The following POLN variants were observed in gnomAD, a reference collection of about 807,000 sequenced individuals.
POLN encodes the protein DNA polymerase nu.
In POLN, 108 loss-of-function variants were observed where a neutral mutation model predicts 113.5. That is an observed-to-expected ratio of 0.95 (90% CI 0.81 to 1.12). The LOEUF (loss-of-function observed/expected upper bound fraction) is 1.12, where lower values mean the gene tolerates loss of function less well. POLN is among the 50% of genes most tolerant of loss of function. The probability of loss-of-function intolerance (pLI) is 0.00; values close to 1 mark genes in which losing one functional copy is unlikely to be tolerated. For missense variants in POLN, 1,097 were observed against 1,077.1 expected (o/e 1.02, Z -0.26); for synonymous variants, 386 against 391.5 (o/e 0.99, Z 0.17).
chr4:2,140,599 T>G, intron 16 of POLN, among the ~76,000 whole-genome samples: 1 of 152,010 alleles, frequency 6.6e-6, no homozygotes, highest in East Asian at 1.9e-4. Flanking sequence ...ATACAAAAAT[T>G]AGCCAGGTAT....
chr4:2,225,273 T>C (rs977496514), intron 3 of POLN, among the ~76,000 whole-genome samples: 1 of 152,130 alleles, frequency 6.6e-6, no homozygotes, highest in African/African-American at 2.4e-5. Context: ...TGTATGCATG[T>C]ATATAAATAT....
chr4:2,072,947 C>G, intron 25 of POLN, 21 bp downstream of exon 25: 3 of 1,611,828 alleles, frequency 1.9e-6, no homozygotes, highest in Non-Finnish European at 2.5e-6. Context: ...GAAGACCGGG[C>G]AGGCTTAAGT....
At position 2,240,910 on chromosome 4, in the gene POLN, T is replaced by G. The variant is rs1464314713; in HGVS notation, c.-13+610A>C. 3.8e-6 allele frequency: 6 copies of G among 1,598,376 alleles called. No homozygotes were observed. In the South Asian group the frequency reaches 6.7e-5, roughly 18 times the overall value. ...TTATCAGCTTTGGGATAACCAATTT[T>G]TTTTAATGTTTCCACAAACTCATTT... On this transcript the variant is annotated intron_variant, in intron 2 of 25. Transcript: ENST00000511885.
intron 16 of POLN, among the ~76,000 whole-genome samples, chr4:2,144,140 G>A (rs1021001657): frequency 7.3e-6 from 1 of 136,152 alleles, no homozygotes; most frequent in Non-Finnish European, 1.6e-5. Flanking sequence ...TTAAAAATTT[G>A]TTCTTTTTTT....
At chr4:2,122,691 A>C (rs967321395) in intron 19 of POLN, among the ~76,000 whole-genome samples, 15 of 152,214 alleles carry the variant, frequency 9.9e-5, no homozygotes, top group Admixed American at 8.5e-4. Flanking sequence ...GGAAAAGTTA[A>C]ATATGGGTAC....
At chr4:2,198,099 A>G (rs1283665822) in intron 6 of POLN, among the ~76,000 whole-genome samples, 1 of 152,234 alleles carries the variant, frequency 6.6e-6, no homozygotes, top group Non-Finnish European at 1.5e-5. Flanking sequence ...GGAGCTTTGA[A>G]ACTAGTCCCA....
chr4:2,133,605 C>T (rs1561024066), intron 16 of POLN, among the ~76,000 whole-genome samples: 1 of 152,150 alleles, frequency 6.6e-6, no homozygotes, highest in Admixed American at 6.5e-5. Context: ...AGTATATGTA[C>T]ATAGTGGTAG....
In POLN at chr4:2,241,901, G is replaced by A. The variant is rs1392504535; in HGVS notation, c.-283-111C>T. On this transcript the variant is annotated intron_variant, in intron 1 of 25. Transcript: ENST00000511885. ...GCCCCAGCTCCTCGCCCAGCGGACCGGGCCCTGATCCCCGGGCAGCTGCTG... is the reference window on the plus strand; with the variant it reads ...GCCCCAGCTCCTCGCCCAGCGGACCAGGCCCTGATCCCCGGGCAGCTGCTG... The A allele has an allele frequency of 1.9e-5, 19 of 985,502 alleles. 2 individuals carry two copies. The South Asian group carries it at 6.1e-4, about 32-fold the overall frequency. The allele number at this position is 985,502 out of a possible 1,614,324, so 61.0% of individuals were successfully genotyped here.
intron 8 of POLN, among the ~76,000 whole-genome samples, chr4:2,177,643 C>A (rs1733028934): frequency 6.6e-6 from 1 of 152,242 alleles, no homozygotes; most frequent in African/African-American, 2.4e-5. Context: ...GTACGTTAAC[C>A]TTTCTATACC....
chr4:2,123,759 C>T (rs1731508953), intron 19 of POLN, among the ~76,000 whole-genome samples: 1 of 151,362 alleles, frequency 6.6e-6, no homozygotes, highest in Admixed American at 6.6e-5. Context: ...GAGCCAAGAT[C>T]GTGCCTCTGC....
chr4:2,126,578 G>A lies in POLN; in HGVS notation c.1982+1535C>T, dbSNP rs549367120. Among the ~76,000 whole-genome samples, 10 of 152,140 alleles carry A rather than the reference G, an allele frequency of 6.6e-5. No individual in the cohort carries two copies. The highest frequency in any genetic ancestry group is 1.3e-4 in the Admixed American group (2 of 15,298). On this transcript the variant is annotated intron_variant, in intron 19 of 25. Coordinates refer to ENST00000511885, the MANE Select transcript of POLN (RefSeq NM_181808.4). This position sits in a 1 kb window ranked among gnomAD's most constrained non-coding sequence, Gnocchi z 4.6. ...AGAGGAGCAGAGACCAGAGAGGAGC[G>A]GAGACCAGAGAGAAGCGGAGACCAG...
chr4:2,229,110 T>C lies in POLN; in HGVS notation c.122A>G (p.Lys41Arg). The change falls in exon 3 of 26, where the codon AAG becomes AGG. Residue 41 changes from lysine to arginine, a missense_variant. Physicochemically the swap from Lys to Arg is conservative, Grantham distance 26. Transcript: ENST00000511885. ...TAAAAATTACTTACTCTCTGTACTC[T>C]TTCCCCAAGTCTTAGAATCCACTAA... Reference protein sequence around the residue: ...GDLVDSKTWGKSTETMEVINK... With the variant: ...GDLVDSKTWGRSTETMEVINK... 6.2e-7 allele frequency: 1 copy of C among 1,602,766 alleles called. No homozygotes were observed. Among genetic ancestry groups the C allele is most frequent in the Non-Finnish European group, 8.5e-7 (1 of 1,173,470 alleles).
At chr4:2,100,247 A>G (rs1045381887) in intron 19 of POLN, among the ~76,000 whole-genome samples, 1 of 152,170 alleles carries the variant, frequency 6.6e-6, no homozygotes, top group Non-Finnish European at 1.5e-5. Flanking sequence ...TGTTATTTTG[A>G]TAACTGGTAT....
intron 20 of POLN, among the ~76,000 whole-genome samples, chr4:2,095,295 TTCA>T (rs1458639900): frequency 1.3e-5 from 2 of 152,102 alleles, no homozygotes; most frequent in African/African-American, 4.8e-5. Context: ...ACCTCTGGCC[TTCA>T]GTCCTTCCTG....
At chr4:2,078,010 C>T (rs557936299) in intron 23 of POLN, among the ~76,000 whole-genome samples, 1 of 152,220 alleles carries the variant, frequency 6.6e-6, no homozygotes, top group Non-Finnish European at 1.5e-5. Flanking sequence ...GAGATCACTG[C>T]ACCAGTAGGA....
chr4:2,200,345 T>G (rs2108760262), intron 5 of POLN, among the ~76,000 whole-genome samples: 1 of 152,324 alleles, frequency 6.6e-6, no homozygotes, highest in South Asian at 2.1e-4. Context: ...CAGCTCCCAC[T>G]GGGACAGACA....
At position 2,183,904 on chromosome 4, in the gene POLN, C is replaced by CA. The variant is rs201310490; in HGVS notation, c.1022-4440dup. On this transcript the variant is annotated intron_variant, in intron 7 of 25. Coordinates refer to ENST00000511885, the MANE Select transcript of POLN (RefSeq NM_181808.4). ...TCTTTTTTTCTTTTTTTTTTTGAGA[C>CA]AGAGTCTTGCGAGATCTCTGCTCAC... Among the ~76,000 whole-genome samples the CA allele has an allele frequency of 8.5e-3, 1,246 of 146,252 alleles. 24 individuals carry two copies. Among genetic ancestry groups the CA allele is most frequent in the African/African-American group, 0.031 (1,192 of 38,430 alleles).
At position 2,126,642 on chromosome 4, in the gene POLN, G is replaced by C. The variant is rs1207008257; in HGVS notation, c.1982+1471C>G. 1.3e-5 allele frequency among the ~76,000 whole-genome samples: 2 copies of C among 152,150 alleles called. No individual in the cohort carries two copies. The highest frequency in any genetic ancestry group is 6.5e-5 in the Admixed American group (1 of 15,270). ...CCAGAGAGGAGTGGAGACCAGAGAG[G>C]AGCGGCGCCGTGCCCAGCATCAGGG... On this transcript the variant is annotated intron_variant, in intron 19 of 25. Coordinates refer to ENST00000511885, the MANE Select transcript of POLN (RefSeq NM_181808.4). This position sits in a 1 kb window ranked among gnomAD's most constrained non-coding sequence, Gnocchi z 4.6.
At chr4:2,179,205 T>C (rs1220433358) in intron 8 of POLN, 103 bp downstream of exon 8, 13 of 1,147,136 alleles carry the variant, frequency 1.1e-5, no homozygotes, top group Middle Eastern at 3.1e-4. Context: ...AAATGAATGT[T>C]GACAATGTTC....
Sources: gnomAD v4.1 joint callset for allele counts (sites outside exome capture counted in the v4.1 genomes callset) on GRCh38, gnomAD v4.1.1 for gene constraint, Gnocchi (gnomAD v3.1) non-coding constraint, MANE v1.5 for transcripts, NCBI Gene and HGNC (gene_info 2026-07-23, HGNC 2026-07-21) for gene names.